WASF3: variants seen among roughly 807,000 people sequenced by gnomAD.
The protein encoded by WASF3 is actin-binding protein WASF3.
WASF3 carries 11 observed loss-of-function variants against 46.6 expected under a neutral mutation model. That is an observed-to-expected ratio of 0.24 (90% CI 0.15 to 0.39). The LOEUF is 0.39. WASF3 is among the 10% of genes least tolerant of loss of function. The pLI is 1.00. For missense variants in WASF3, 576 were observed against 669.8 expected (o/e 0.86, Z 1.55); for synonymous variants, 242 against 259.7 (o/e 0.93, Z 0.65).
At chr13:26,683,063 GACT>G in intron 9 of WASF3, 89 bp downstream of exon 9, 4 of 1,505,954 alleles carry the variant, frequency 2.7e-6, no homozygotes, top group Non-Finnish European at 3.5e-6. Context: ...GTCTTCAAAT[GACT>G]ACTCACTACG....
intron 3 of WASF3, among the ~76,000 whole-genome samples, chr13:26,654,860 T>A (rs1202812155): frequency 1.3e-5 from 2 of 152,172 alleles, no homozygotes; most frequent in African/African-American, 4.8e-5. Flanking sequence ...ATGTGTTGCT[T>A]TTATAGGAGA....
intron 1 of WASF3, among the ~76,000 whole-genome samples, chr13:26,561,070 G>C (rs1013552924): frequency 6.6e-6 from 1 of 152,142 alleles, no homozygotes; most frequent in East Asian, 1.9e-4. Context: ...AGTCCAGTGG[G>C]GGTGGTTGTG....
At chr13:26,560,153 G>A (rs1028134747) in intron 1 of WASF3, among the ~76,000 whole-genome samples, 1 of 151,970 alleles carries the variant, frequency 6.6e-6, no homozygotes, top group African/African-American at 2.4e-5. Flanking sequence ...TCCGTTTTAA[G>A]GGCCCTGTTT....
intron 2 of WASF3, among the ~76,000 whole-genome samples, chr13:26,633,296 G>A (rs541815453): frequency 2.1e-5 from 3 of 142,358 alleles, no homozygotes; most frequent in Non-Finnish European, 3.0e-5. Flanking sequence ...TCTGCCTCCC[G>A]GGTTCAAGCA....
At chr13:26,630,382 T>G (rs757084710) in intron 2 of WASF3, among the ~76,000 whole-genome samples, 56 of 152,298 alleles carry the variant, frequency 3.7e-4, no homozygotes, top group Non-Finnish European at 6.6e-4. Flanking sequence ...ATTGTTCAAT[T>G]CCCACCTATG....
chr13:26,625,705 C>G (rs1384282367), intron 2 of WASF3, among the ~76,000 whole-genome samples: 1 of 152,128 alleles, frequency 6.6e-6, no homozygotes, highest in Non-Finnish European at 1.5e-5. Flanking sequence ...CAGACTCACC[C>G]AGAGATAATG....
Position 26,606,321 on chromosome 13 carries a change from C to CGTGTGTGTGT in WASF3, c.-108-6605_-108-6596dup, listed in dbSNP as rs60865367. ...CTCTTTTTTCTTTTCTCTTTTTTTTCGTGTGTGTGTGTGTGTGTGTGTGTG... is the reference window on the plus strand; with the variant it reads ...CTCTTTTTTCTTTTCTCTTTTTTTTCGTGTGTGTGTGTGTGTGTGTGTGTGTGTGTGTGTG... On this transcript the variant is annotated intron_variant, in intron 1 of 9. Transcript: ENST00000335327. Among the ~76,000 whole-genome samples, 403 of 132,056 alleles carry CGTGTGTGTGT rather than the reference C, an allele frequency of 3.1e-3. 6 individuals carry two copies. Among genetic ancestry groups the CGTGTGTGTGT allele is most frequent in the Middle Eastern group, 7.6e-3 (2 of 262 alleles). 86.6% of individuals were successfully genotyped at this position (132,056 alleles called of 152,430 possible).
intron 1 of WASF3, among the ~76,000 whole-genome samples, chr13:26,564,716 C>T (rs938741322): frequency 4.6e-5 from 7 of 152,042 alleles, no homozygotes; most frequent in African/African-American, 1.4e-4. Context: ...ATTCTTGGCA[C>T]GTAGTAGATA....
At chr13:26,553,835 T>C (rs915321260), upstream of WASF3, among the ~76,000 whole-genome samples, 25 of 150,096 alleles carry the variant, frequency 1.7e-4, no homozygotes, top group Non-Finnish European at 3.4e-4. Flanking sequence ...AAAAAAATTA[T>C]GGAGAGACAG....
intron 1 of WASF3, among the ~76,000 whole-genome samples, chr13:26,608,089 T>C (rs987513223): frequency 4.8e-5 from 6 of 125,564 alleles, no homozygotes; most frequent in Admixed American, 2.1e-4. Context: ...AATGCTTGAA[T>C]GAATTGAAGA....
chr13:26,620,821 A>G (rs145712105), intron 2 of WASF3: 40 of 152,340 alleles, frequency 2.6e-4, no homozygotes, highest in African/African-American at 7.9e-4. Context: ...TTTATATGCC[A>G]TTTTGTGGCC....
chr13:26,645,858 C>T (rs992522370), intron 3 of WASF3, among the ~76,000 whole-genome samples: 4 of 151,998 alleles, frequency 2.6e-5, no homozygotes, highest in African/African-American at 9.7e-5. Flanking sequence ...TCTGGTCTGG[C>T]TTTTAAAGAG....
chr13:26,651,909 GTA>G (rs2137433470), intron 3 of WASF3, among the ~76,000 whole-genome samples: 2 of 152,248 alleles, frequency 1.3e-5, no homozygotes, highest in East Asian at 3.9e-4. Flanking sequence ...AGGGTACATA[GTA>G]TAATTTCTAG....
intron 2 of WASF3, among the ~76,000 whole-genome samples, chr13:26,620,409 A>T (rs1242695937): frequency 2.0e-5 from 3 of 152,208 alleles, no homozygotes; most frequent in African/African-American, 7.2e-5. Flanking sequence ...GGTATATTTT[A>T]AAAATATTTT....
At chr13:26,677,424 T>A (rs1194415801) in intron 7 of WASF3, among the ~76,000 whole-genome samples, 1 of 152,244 alleles carries the variant, frequency 6.6e-6, no homozygotes, top group African/African-American at 2.4e-5. Flanking sequence ...TAGTCTTCCA[T>A]TTGCATAAAC....
intron 7 of WASF3, chr13:26,680,234 C>T (rs1883185601): frequency 6.5e-7 from 1 of 1,532,796 alleles, no homozygotes; most frequent in Non-Finnish European, 8.7e-7. Flanking sequence ...GGTTCCCAGA[C>T]TCAGACTGCC....
At chr13:26,596,012 A>C (rs1442978715) in intron 1 of WASF3, among the ~76,000 whole-genome samples, 1 of 151,946 alleles carries the variant, frequency 6.6e-6, no homozygotes, top group East Asian at 1.9e-4. Flanking sequence ...CATGAATGTG[A>C]TTATTGGAAA....
At chr13:26,567,326 T>C (rs73484936) in intron 1 of WASF3, among the ~76,000 whole-genome samples, 2,079 of 152,266 alleles carry the variant, frequency 0.014, 48 homozygotes, top group African/African-American at 0.047. Context: ...CAATTAAAGG[T>C]GGCTTTAGAG....
intron 1 of WASF3, among the ~76,000 whole-genome samples, chr13:26,565,029 A>C (rs1037957885): frequency 6.8e-6 from 1 of 148,098 alleles, no homozygotes; most frequent in African/African-American, 2.5e-5. Flanking sequence ...CTAATGTTAG[A>C]ATTAATGTTT....
Sources: allele counts gnomAD v4.1 joint callset (sites outside exome capture counted in the v4.1 genomes callset), GRCh38; gene constraint gnomAD v4.1.1; transcripts MANE v1.5; gene names NCBI Gene and HGNC (gene_info 2026-07-23, HGNC 2026-07-21).